Variants in VLDLR observed in about 807,000 individuals in gnomAD.
VLDLR encodes the protein very low-density lipoprotein receptor.
In VLDLR, 81 loss-of-function variants were observed where a neutral mutation model predicts 112.7. The observed-to-expected ratio is 0.72, with a 90% CI of 0.60 to 0.86. VLDLR has a LOEUF of 0.86. Ranked by LOEUF, VLDLR falls within the 40% of genes least tolerant of loss-of-function variation. The pLI is 0.00. For missense variants in VLDLR, 1,237 were observed against 1,099.4 expected (o/e 1.13, Z -1.77); for synonymous variants, 436 against 384.8 (o/e 1.13, Z -1.56).
intron 18 of VLDLR, 101 bp downstream of exon 18, chr9:2,653,050 C>A: frequency 6.9e-7 from 1 of 1,445,320 alleles, no homozygotes; most frequent in Non-Finnish European, 9.7e-7. Context: ...GATGGAGTTA[C>A]CAAACACTTC....
At chr9:2,626,148 G>A (rs534736946) in intron 1 of VLDLR, among the ~76,000 whole-genome samples, 24 of 152,280 alleles carry the variant, frequency 1.6e-4, no homozygotes, top group African/African-American at 5.1e-4. Context: ...AAACCAGAAG[G>A]GTTCCACAGA....
chr9:2,638,282 C>A (rs1230507061), intron 2 of VLDLR, among the ~76,000 whole-genome samples: 1 of 152,132 alleles, frequency 6.6e-6, no homozygotes, highest in African/African-American at 2.4e-5. Flanking sequence ...ATCTTGAGTT[C>A]TAGAAATTAA....
chr9:2,628,242 G>C (rs1655975241), intron 1 of VLDLR, among the ~76,000 whole-genome samples: 2 of 152,164 alleles, frequency 1.3e-5, no homozygotes, highest in South Asian at 4.1e-4. Context: ...CTCTGTGACA[G>C]GGACTATTAT....
intron 1 of VLDLR, among the ~76,000 whole-genome samples, chr9:2,626,347 C>G (rs1326911094): frequency 6.6e-6 from 1 of 152,180 alleles, no homozygotes; most frequent in Non-Finnish European, 1.5e-5. Context: ...CAACTTGTCA[C>G]GTGATGTCAG....
rs774381765 is a variant in VLDLR at position 2,645,751 on chromosome 9, T to C, written c.1484+6T>C. 5 of 1,614,116 alleles carry C rather than the reference T, an allele frequency of 3.1e-6. No homozygotes were observed. The highest frequency in any genetic ancestry group is 4.2e-6 in the Non-Finnish European group (5 of 1,180,026). On this transcript the variant is annotated splice_donor_region_variant and intron_variant, in intron 10 of 18. Coordinates refer to ENST00000382100, the MANE Select transcript of VLDLR (RefSeq NM_003383.5). ...AGCCAAAAGGCTATCTTCAGGTAAC[T>C]TTCAGTTCCTTTTGTGGTGTCTTGA... is the stretch of plus-strand genomic sequence containing the variant.
intron 15 of VLDLR, among the ~76,000 whole-genome samples, chr9:2,651,178 A>G (rs538009379): frequency 6.6e-6 from 1 of 152,336 alleles, no homozygotes; most frequent in Admixed American, 6.5e-5. Flanking sequence ...GTGGTTGTCC[A>G]TCATTTTGAA....
chr9:2,644,325 A>ATTTTTTTTTTTTT (rs374242751), intron 7 of VLDLR, among the ~76,000 whole-genome samples: 5 of 122,988 alleles, frequency 4.1e-5, no homozygotes, highest in African/African-American at 1.6e-4. Flanking sequence ...CGCCCGGCTA[A>ATTTTTTTTTTTTT]TTTTTTTTTT....
chr9:2,636,743 G>T (rs1260816550), intron 2 of VLDLR, among the ~76,000 whole-genome samples: 2 of 152,168 alleles, frequency 1.3e-5, no homozygotes, highest in East Asian at 3.8e-4. Flanking sequence ...TGAGTCTCAT[G>T]CTATTTCTGG....
At chr9:2,622,457 G>C (rs1482880666) in intron 1 of VLDLR, 186 bp downstream of exon 1, 4 of 517,106 alleles carry the variant, frequency 7.7e-6, no homozygotes, top group Non-Finnish European at 1.3e-5. Context: ...AGGGAGCCGG[G>C]CTTGGGGAAC....
rs557105742 is a variant in VLDLR, at chr9:2,621,855, C to T, written c.-335C>T. On this transcript the variant is annotated 5_prime_UTR_variant, in exon 1 of 19. Transcript: ENST00000382100. ...GCTCCTCTCCGTTCTGTGCTCTCTT[C>T]TGCTCTCGGCTCCCCACCCCCTCTC... The T allele has an allele frequency of 1.8e-5, 10 of 552,316 alleles. No homozygotes were observed. The East Asian group carries it at 3.4e-4, about 19-fold the overall frequency. 34.2% of individuals were successfully genotyped at this position (552,316 alleles called of 1,614,324 possible).
At chr9:2,626,333 A>T (rs10429638) in intron 1 of VLDLR, among the ~76,000 whole-genome samples, 1,635 of 152,336 alleles carry the variant, frequency 0.011, 27 homozygotes, top group African/African-American at 0.035. Flanking sequence ...CAAAGTTTTG[A>T]CTGCAACTTG....
intron 1 of VLDLR, among the ~76,000 whole-genome samples, chr9:2,633,652 C>G (rs146276341): frequency 7.0e-4 from 107 of 152,200 alleles, no homozygotes; most frequent in African/African-American, 2.4e-3. Flanking sequence ...TTTACTGTAT[C>G]TTAACTCCAA....
At chr9:2,639,619 T>C (rs1021069125) in intron 2 of VLDLR, among the ~76,000 whole-genome samples, 1 of 152,222 alleles carries the variant, frequency 6.6e-6, no homozygotes, top group African/African-American at 2.4e-5. Flanking sequence ...TGTAAGATAA[T>C]GGGCAACCTC....
At chr9:2,651,788 C>G (rs1283809972) in intron 16 of VLDLR, 86 bp from the exon 17 acceptor site, 1 of 1,447,670 alleles carries the variant, frequency 6.9e-7, no homozygotes, top group African/African-American at 1.4e-5. Context: ...ATATTGGATG[C>G]AAAGGTTTTG....
chr9:2,631,316 A>G (rs1817340066), intron 1 of VLDLR, among the ~76,000 whole-genome samples: 1 of 152,254 alleles, frequency 6.6e-6, no homozygotes, highest in Admixed American at 6.5e-5. Context: ...TCTACTGGGT[A>G]TCTACCCAAA....
rs1308760084 is a variant in VLDLR at position 2,654,903 on chromosome 9, G to GTCTT, written c.*1036_*1039dup. The GTCTT allele has an allele frequency of 6.6e-6, 1 of 152,204 alleles. No homozygotes were observed. The highest frequency in any genetic ancestry group is 2.4e-5 in the African/African-American group (1 of 41,448). 9.4% of individuals were successfully genotyped at this position (152,204 alleles called of 1,614,324 possible). ...CTTTCTTCTTATGAAAGTCTAGACTGTCTTACTGTGAAGATGGCCAGGGAG... is the reference window on the plus strand; with the variant it reads ...CTTTCTTCTTATGAAAGTCTAGACTGTCTTTCTTACTGTGAAGATGGCCAGGGAG... On this transcript the variant is annotated 3_prime_UTR_variant, in exon 19 of 19. Transcript: ENST00000382100.
rs748252893 is a variant in VLDLR, at chr9:2,622,287, C to A, written c.82+16C>A. ...ACCGGAACCGGTGAGTGAGGACGCG[C>A]CCCTCCGCCGGCGGGCGGGACCCAG... On this transcript the variant is annotated intron_variant, in intron 1 of 18. Transcript: ENST00000382100. 6.8e-7 allele frequency: 1 copy of A among 1,462,826 alleles called. No homozygotes were observed. The highest frequency in any genetic ancestry group is 1.3e-5 in the South Asian group (1 of 75,324). The allele number at this position is 1,462,826 out of a possible 1,614,324, so 90.6% of individuals were successfully genotyped here. A position where few individuals can be genotyped will look rare whatever the true frequency, so the allele number is the denominator to read the frequency against.
Position 2,643,335 on chromosome 9 carries a change from C to A in VLDLR, c.624C>A (p.Ile208=). 1 of 1,614,174 alleles carries A rather than the reference C, an allele frequency of 6.2e-7. No homozygotes were observed. Among genetic ancestry groups the A allele is most frequent in the South Asian group, 1.1e-5 (1 of 91,084 alleles). Residue 208 remains isoleucine (I), a synonymous_variant, in exon 5 of 19, where the codon ATC becomes ATA. Coordinates refer to ENST00000382100, the MANE Select transcript of VLDLR (RefSeq NM_003383.5). ...FQCSTSSCIP[I]SWVCDDDADC... ...GCAGCACCTCCTCCTGCATCCCCAT[C>A]AGCTGGGTATGCGACGATGATGCAG...
At position 2,631,131 on chromosome 9, in the gene VLDLR, T is replaced by G. The variant is rs576872107; in HGVS notation, c.83-4322T>G. On this transcript the variant is annotated intron_variant, in intron 1 of 18. Transcript: ENST00000382100. ...AAAATGACATATAATCTTATACCAG[T>G]CAGAATGGCTATTAATAAAAAGACA... Among the ~76,000 whole-genome samples the G allele has an allele frequency of 6.6e-5, 10 of 152,280 alleles. No individual in the cohort carries two copies. In the South Asian group the frequency reaches 8.3e-4, roughly 13 times the overall value.
Sources: allele counts gnomAD v4.1 joint callset (sites outside exome capture counted in the v4.1 genomes callset), GRCh38; gene constraint gnomAD v4.1.1; transcripts MANE v1.5; gene names NCBI Gene and HGNC (gene_info 2026-07-23, HGNC 2026-07-21).